Variants in CCDC7 observed in about 807,000 individuals in gnomAD.
CCDC7 encodes the protein coiled-coil domain-containing protein 7.
In CCDC7, 183 loss-of-function variants were observed where a neutral mutation model predicts 196.9. The observed-to-expected ratio is 0.93, with a 90% confidence interval of 0.82 to 1.05. CCDC7 has a LOEUF of 1.05. Ranked by LOEUF, CCDC7 falls within the 50% of genes least tolerant of loss-of-function variation. The pLI is 0.00. For missense variants in CCDC7, 1,540 were observed against 1,482.2 expected (o/e 1.04, Z -0.64); for synonymous variants, 525 against 484.6 (o/e 1.08, Z -1.10).
At chr10:32,870,091 G>T (rs375479998) in intron 41 of CCDC7, among the ~76,000 whole-genome samples, 14 of 151,962 alleles carry the variant, frequency 9.2e-5, no homozygotes, top group South Asian at 6.2e-4. Flanking sequence ...CTTTTTTGGT[G>T]CCATATGAAC....
At chr10:32,746,691 A>T (rs911117827) in intron 28 of CCDC7, among the ~76,000 whole-genome samples, 1 of 152,192 alleles carries the variant, frequency 6.6e-6, no homozygotes, top group Admixed American at 6.5e-5. Context: ...GGCCACTGCC[A>T]TGGTGCCTTT....
chr10:32,657,146 C>T (rs528499484), intron 20 of CCDC7, among the ~76,000 whole-genome samples: 1 of 152,374 alleles, frequency 6.6e-6, no homozygotes, highest in African/African-American at 2.4e-5. Context: ...GGTGCCTTCA[C>T]AGCTGGCCTT....
intron 28 of CCDC7, among the ~76,000 whole-genome samples, chr10:32,753,866 T>A (rs1227007614): frequency 6.6e-6 from 1 of 152,178 alleles, no homozygotes; most frequent in Non-Finnish European, 1.5e-5. Flanking sequence ...TTTTCTTAAT[T>A]GTTTATTTTT....
chr10:32,511,932 G>T, intron 9 of CCDC7: 1 of 578,034 alleles, frequency 1.7e-6, no homozygotes, highest in Non-Finnish European at 3.1e-6. Context: ...TAGAAACTAG[G>T]ATTTTATTAA....
At chr10:32,797,302 T>C (rs931273072) in intron 29 of CCDC7, among the ~76,000 whole-genome samples, 8 of 151,392 alleles carry the variant, frequency 5.3e-5, no homozygotes, top group African/African-American at 1.7e-4. Context: ...TATATACATA[T>C]ATAATATATA....
Position 32,818,727 on chromosome 10 carries a change from C to T in CCDC7, c.3181+4274C>T, listed in dbSNP as rs976615347. On this transcript the variant is annotated intron_variant, in intron 31 of 41. Coordinates refer to ENST00000639629, the Ensembl canonical transcript of CCDC7. ...TCCTGAATGACTACTGGGTACATAACGAAATGAAGGCAGAAATAAAGATGT... is the reference window on the plus strand; with the variant it reads ...TCCTGAATGACTACTGGGTACATAATGAAATGAAGGCAGAAATAAAGATGT... Among the ~76,000 whole-genome samples, 17 of 152,144 alleles carry T rather than the reference C, an allele frequency of 1.1e-4. No individual in the cohort carries two copies. In the East Asian group the frequency reaches 1.4e-3, roughly 12 times the overall value.
At chr10:32,565,508 A>T in intron 13 of CCDC7, 50 bp from the exon 15 acceptor site, 1 of 1,567,014 alleles carries the variant, frequency 6.4e-7, no homozygotes, top group Non-Finnish European at 8.7e-7. Flanking sequence ...AAACTAAATT[A>T]ATTAAAAATA....
intron 21 of CCDC7, among the ~76,000 whole-genome samples, chr10:32,674,395 T>C (rs180753110): frequency 3.3e-5 from 5 of 152,228 alleles, no homozygotes; most frequent in Middle Eastern, 3.4e-3. Context: ...GTGATTTTTT[T>C]CCATTTTTCT....
At chr10:32,545,889 G>A (rs958275347) in intron 13 of CCDC7, among the ~76,000 whole-genome samples, 1 of 111,234 alleles carries the variant, frequency 9.0e-6, no homozygotes, top group Non-Finnish European at 1.7e-5. Flanking sequence ...CTGGGCAACA[G>A]AGCAAAACTC....
At chr10:32,453,625 G>T (rs117208311) in intron 2 of CCDC7, among the ~76,000 whole-genome samples, 189 bp downstream of exon 3, 6,528 of 152,028 alleles carry the variant, frequency 0.043, 145 homozygotes, top group Middle Eastern at 0.065. Context: ...CCTGAATTTT[G>T]CCAAGAAGTT....
At chr10:32,715,699 G>A (rs912066930) in intron 25 of CCDC7, among the ~76,000 whole-genome samples, 3 of 152,120 alleles carry the variant, frequency 2.0e-5, no homozygotes, top group Non-Finnish European at 4.4e-5. Context: ...GTTTAGAGAA[G>A]AACATAAATG....
At chr10:32,470,539 T>C (rs544462058) in intron 5 of CCDC7, among the ~76,000 whole-genome samples, 1 of 152,306 alleles carries the variant, frequency 6.6e-6, no homozygotes, top group African/African-American at 2.4e-5. Flanking sequence ...TGTTATTTTT[T>C]AGCTTGATCT....
intron 25 of CCDC7, among the ~76,000 whole-genome samples, chr10:32,725,814 C>CT (rs2083040612): frequency 6.7e-6 from 1 of 149,260 alleles, no homozygotes; most frequent in Non-Finnish European, 1.5e-5. Context: ...CATGAAGGAT[C>CT]TGCCCCCATG....
chr10:32,861,406 T>C (rs973670348), intron 41 of CCDC7, among the ~76,000 whole-genome samples: 1 of 152,288 alleles, frequency 6.6e-6, no homozygotes, highest in Non-Finnish European at 1.5e-5. Context: ...CCTTACACCT[T>C]ATATAAAAAT....
At chr10:32,734,974 T>G (rs1264640241) in intron 28 of CCDC7, among the ~76,000 whole-genome samples, 2 of 152,176 alleles carry the variant, frequency 1.3e-5, no homozygotes, top group East Asian at 3.8e-4. Context: ...GCATTTTGTT[T>G]TAATGTTTAT....
At chr10:32,605,062 C>G in intron 18 of CCDC7, among the ~76,000 whole-genome samples, 1 of 152,070 alleles carries the variant, frequency 6.6e-6, no homozygotes, top group East Asian at 1.9e-4. Flanking sequence ...TGGCTTGGTG[C>G]TATCCTCATG....
intron 9 of CCDC7, among the ~76,000 whole-genome samples, chr10:32,506,734 C>G (rs1329754973): frequency 1.4e-5 from 2 of 141,296 alleles, no homozygotes. Flanking sequence ...TGCCTGGAAT[C>G]CCAGGCACTC....
At chr10:32,836,080 CT>C (rs1336198973) in intron 33 of CCDC7, among the ~76,000 whole-genome samples, 1 of 152,026 alleles carries the variant, frequency 6.6e-6, no homozygotes, top group Non-Finnish European at 1.5e-5. Flanking sequence ...GATTACACAA[CT>C]AAATTTAGTT....
At chr10:32,448,670 T>TA (rs927327842), upstream of CCDC7, among the ~76,000 whole-genome samples, 6 of 151,816 alleles carry the variant, frequency 4.0e-5, no homozygotes, top group Non-Finnish European at 7.4e-5. Flanking sequence ...TTCTGGCAAA[T>TA]AAAAAAAATC....
Sources: allele counts gnomAD v4.1 joint callset (sites outside exome capture counted in the v4.1 genomes callset), GRCh38; gene constraint gnomAD v4.1.1; transcripts MANE v1.5; gene names NCBI Gene and HGNC (gene_info 2026-07-23, HGNC 2026-07-21).